PHLDB1: variants seen among roughly 807,000 people sequenced by gnomAD.
PHLDB1 encodes pleckstrin homology-like domain family B member 1.
In PHLDB1, 65 loss-of-function variants were observed where a neutral mutation model predicts 139.3. The ratio of observed to expected loss-of-function variants is 0.47; its 90% confidence interval spans 0.38 to 0.57. The LOEUF is 0.57. PHLDB1 is among the 20% of genes least tolerant of loss of function. The probability of loss-of-function intolerance (pLI) is 0.00; values close to 1 mark genes in which losing one functional copy is unlikely to be tolerated. For missense variants in PHLDB1, 1,624 were observed against 1,839.7 expected (o/e 0.88, Z 2.14); for synonymous variants, 679 against 734.5 (o/e 0.92, Z 1.22).
At chr11:118,613,209 G>A in intron 1 of PHLDB1, 1 of 834,892 alleles carries the variant, frequency 1.2e-6, no homozygotes, top group Non-Finnish European at 1.4e-6. Context: ...GGTTGAGGTT[G>A]CTTTCTGGGG....
chr11:118,627,706 GC>G lies in PHLDB1; in HGVS notation c.886del (p.Leu296TyrfsTer18). 6.2e-7 allele frequency: 1 copy of G among 1,610,294 alleles called. No individual in the cohort carries two copies. On this transcript the variant is annotated frameshift_variant, in exon 6 of 23. Transcript: ENST00000600882. LOFTEE classifies it high-confidence loss of function. ...TGCCCGTTCCTCCAGCTACCATCTG[GC>G]CCTACAGCCCCCACAGTCCCGCCCA... Reference protein sequence around the residue: ...VPARSSSYHLALQPPQSRPSG... With the variant: ...VPARSSSYHLXLQPPQSRPSG...
chr11:118,623,264 T>C (rs1591527144), intron 4 of PHLDB1, among the ~76,000 whole-genome samples: 1 of 151,804 alleles, frequency 6.6e-6, no homozygotes, highest in East Asian at 1.9e-4. Context: ...TGTGGACAAA[T>C]TGGAAGGATT....
At position 118,650,332 on chromosome 11, in the gene PHLDB1, G is replaced by C. The variant is rs1428735076; in HGVS notation, c.3772-113G>C. ...CTCTGTCCCAGGACCTGGTGTGCTG[G>C]CCTGAGGAGATGTTGGGGACAATCC... On this transcript the variant is annotated intron_variant, in intron 19 of 22. Coordinates refer to ENST00000600882, the MANE Select transcript of PHLDB1 (RefSeq NM_001144758.3). The surrounding 1 kb of genome is among the most constrained non-coding windows in gnomAD (Gnocchi z 4.7). 2.0e-6 allele frequency: 2 copies of C among 991,064 alleles called. No homozygotes were observed. The highest frequency in any genetic ancestry group is 3.3e-6 in the Non-Finnish European group (2 of 615,146). 61.4% of individuals were successfully genotyped at this position (991,064 alleles called of 1,614,324 possible).
In PHLDB1 at chr11:118,645,854, A is replaced by G; in HGVS notation, c.3507+29A>G. On this transcript the variant is annotated intron_variant, in intron 17 of 22. Transcript: ENST00000600882. This position sits in a 1 kb window ranked among gnomAD's most constrained non-coding sequence, Gnocchi z 5.1. The stretch of plus-strand genomic sequence containing the variant: ...AGTCTGACCTGGATCGGGGAGGCAG[A>G]AGGTGTTGGGGCACAGAGCTACCTA... 6.9e-7 allele frequency: 1 copy of G among 1,457,762 alleles called. No individual in the cohort carries two copies. Among genetic ancestry groups the G allele is most frequent in the Non-Finnish European group, 9.6e-7 (1 of 1,038,018 alleles). The allele number at this position is 1,457,762 out of a possible 1,614,324, so 90.3% of individuals were successfully genotyped here.
chr11:118,610,424 G>A lies in PHLDB1; in HGVS notation c.-22+2725G>A, dbSNP rs1288390747. 1 of 985,102 alleles carries A rather than the reference G, an allele frequency of 1.0e-6. No individual in the cohort carries two copies. Among genetic ancestry groups the A allele is most frequent in the Non-Finnish European group, 1.2e-6 (1 of 829,608 alleles). The allele number at this position is 985,102 out of a possible 1,614,324, so 61.0% of individuals were successfully genotyped here. ...CTCGAGGGCGGATGTGCGCCTGGAG[G>A]GCGAAGGCGGCGGCCGAGAGGACCC... On this transcript the variant is annotated intron_variant, in intron 1 of 22. Coordinates refer to ENST00000600882, the MANE Select transcript of PHLDB1 (RefSeq NM_001144758.3). The surrounding 1 kb of genome is among the most constrained non-coding windows in gnomAD (Gnocchi z 8.7).
chr11:118,656,100 CA>C (rs1555141690), intron 22 of PHLDB1, among the ~76,000 whole-genome samples: 1 of 151,236 alleles, frequency 6.6e-6, no homozygotes, highest in African/African-American at 2.4e-5. Flanking sequence ...CAGCAGACCC[CA>C]TGGGGGTCTG....
In PHLDB1 at chr11:118,650,576, C is replaced by T; in HGVS notation, c.3874+29C>T. 1 of 1,471,426 alleles carries T rather than the reference C, an allele frequency of 6.8e-7. No homozygotes were observed. Among genetic ancestry groups the T allele is most frequent in the Non-Finnish European group, 9.5e-7 (1 of 1,049,962 alleles). The allele number at this position is 1,471,426 out of a possible 1,614,324, so 91.1% of individuals were successfully genotyped here. A position where few individuals can be genotyped will look rare whatever the true frequency, so the allele number is the denominator to read the frequency against. ...AGTTCCCACAAGGCCACCCTGGGGGCCAGCCAGGATCCCTGGGCTCTGTTA... is the reference window on the plus strand; with the variant it reads ...AGTTCCCACAAGGCCACCCTGGGGGTCAGCCAGGATCCCTGGGCTCTGTTA... On this transcript the variant is annotated intron_variant, in intron 20 of 22. Transcript: ENST00000600882. The surrounding 1 kb of genome is among the most constrained non-coding windows in gnomAD (Gnocchi z 4.7).
chr11:118,615,907 G>T, intron 3 of PHLDB1, 134 bp from the exon 4 acceptor site: 1 of 695,160 alleles, frequency 1.4e-6, no homozygotes. Flanking sequence ...GGCCTAGTAG[G>T]GGTGGCCAGT....
At chr11:118,638,515 G>C (rs1555117224) in intron 10 of PHLDB1, among the ~76,000 whole-genome samples, 1 of 152,196 alleles carries the variant, frequency 6.6e-6, no homozygotes, top group African/African-American at 2.4e-5. Flanking sequence ...GCAAAGGCTG[G>C]TGAGAAGGTC....
At position 118,611,972 on chromosome 11, in the gene PHLDB1, C is replaced by A. The variant is rs1396895908; in HGVS notation, c.-21-1844C>A. Among the ~76,000 whole-genome samples, 1 of 151,986 alleles carries A rather than the reference C, an allele frequency of 6.6e-6. No individual in the cohort carries two copies. Among genetic ancestry groups the A allele is most frequent in the Non-Finnish European group, 1.5e-5 (1 of 68,014 alleles). On this transcript the variant is annotated intron_variant, in intron 1 of 22. Transcript: ENST00000600882. The surrounding 1 kb of genome is among the most constrained non-coding windows in gnomAD (Gnocchi z 4.7). ...TATAATTTATATACTATAACATCCA[C>A]CCAATTTAAGTATGCAATTAAAAGA...
intron 10 of PHLDB1, among the ~76,000 whole-genome samples, chr11:118,636,349 G>A (rs1207639356): frequency 1.3e-5 from 2 of 152,182 alleles, no homozygotes; most frequent in Admixed American, 1.3e-4. Flanking sequence ...AATTGGTGAC[G>A]TAGGGGATTT....
chr11:118,644,231 C>T (rs781807979), intron 15 of PHLDB1, 57 bp downstream of exon 15: 14 of 1,176,862 alleles, frequency 1.2e-5, no homozygotes, highest in Non-Finnish European at 1.6e-5. Context: ...GGGTAGTTGC[C>T]ATGCCTCCTC....
chr11:118,625,179 C>T, intron 5 of PHLDB1, 120 bp downstream of exon 5: 2 of 1,176,258 alleles, frequency 1.7e-6, no homozygotes, highest in Non-Finnish European at 2.3e-6. Flanking sequence ...TCTGGGCTCA[C>T]TGCCACCTGC....
At chr11:118,642,177 C>T (rs782499702) in intron 12 of PHLDB1, 77 bp from the exon 13 acceptor site, 4 of 1,363,696 alleles carry the variant, frequency 2.9e-6, no homozygotes, top group East Asian at 2.3e-5. Context: ...CTGCCTTTTC[C>T]TTTCCCTTTA....
rs782416788 is a variant in PHLDB1, at chr11:118,645,488, C to T, written c.3254C>T (p.Pro1085Leu). 18 of 1,611,968 alleles carry T rather than the reference C, an allele frequency of 1.1e-5. No individual in the cohort carries two copies. The Admixed American group carries it at 1.7e-4, about 15-fold the overall frequency. ...CCAGCGGGCCCCTCGGGCTTCCCCC[C>T]TCTCATGCACCACTCTATCCTACAC... ...PFPAGPSGFP[P>L]LMHHSILHHL... The change falls in exon 16 of 23, where the codon CCT becomes CTT. Residue 1085 changes from proline to leucine, a missense_variant. By Grantham distance (98) the Pro-to-Leu change is moderately conservative. Coordinates refer to ENST00000600882, the MANE Select transcript of PHLDB1 (RefSeq NM_001144758.3). The surrounding 1 kb of genome is among the most constrained non-coding windows in gnomAD (Gnocchi z 5.1).
chr11:118,627,462 CAAG>C lies in PHLDB1; in HGVS notation c.643_645del (p.Lys215del), dbSNP rs1944076842. On this transcript the variant is annotated inframe_deletion, in exon 6 of 23. Transcript: ENST00000600882. Reference sequence around the variant, plus strand: ...TGCTAGAGGAGCCTGGAGCTGCTGGCAAGAAGCCTGCCGCAACCTCTCCACTGT... The same window carrying C: ...TGCTAGAGGAGCCTGGAGCTGCTGGCAAGCCTGCCGCAACCTCTCCACTGT... The C allele has an allele frequency of 2.5e-6, 4 of 1,614,068 alleles. No individual in the cohort carries two copies. In the South Asian group the frequency reaches 4.4e-5, roughly 18 times the overall value.
rs116066979 is a variant in PHLDB1 at position 118,631,399 on chromosome 11, C to T, written c.2020C>T (p.Arg674Cys). ...SSEEPGVATQ[R>C]LWESMERSDE... ...CGAGGAGCCTGGCGTTGCCACCCAA[C>T]GCCTATGGGAGAGTATGGAGCGCTC... Residue 674 changes from arginine to cysteine, a missense_variant, in exon 7 of 23, where the codon CGC becomes TGC. Coordinates refer to ENST00000600882, the MANE Select transcript of PHLDB1 (RefSeq NM_001144758.3). 9.3e-5 allele frequency: 140 copies of T among 1,497,326 alleles called. No homozygotes were observed. Among genetic ancestry groups the T allele is most frequent in the African/African-American group, 2.3e-4 (16 of 69,542 alleles). The allele number at this position is 1,497,326 out of a possible 1,614,324, so 92.8% of individuals were successfully genotyped here. A position where few individuals can be genotyped will look rare whatever the true frequency, so the allele number is the denominator to read the frequency against.
intron 6 of PHLDB1, among the ~76,000 whole-genome samples, chr11:118,628,966 C>T (rs150404514): frequency 5.3e-4 from 81 of 152,346 alleles, no homozygotes; most frequent in African/African-American, 1.9e-3. Flanking sequence ...AAACATACCA[C>T]AGGTATGGTA....
At position 118,624,969 on chromosome 11, in the gene PHLDB1, C is replaced by T. The variant is rs782735796; in HGVS notation, c.391C>T (p.Arg131Cys). 14 of 1,613,966 alleles carry T rather than the reference C, an allele frequency of 8.7e-6. No individual in the cohort carries two copies. The highest frequency in any genetic ancestry group is 1.6e-4 in the Middle Eastern group (1 of 6,082). Reference protein sequence around the residue: ...MLCLGQSTFLRFNHPAEAKWM... With the variant: ...MLCLGQSTFLCFNHPAEAKWM... Reference sequence around the variant, plus strand: ...GTGCCTGGGTCAGTCCACCTTCCTTCGCTTTAACCACCCGGCTGAAGCCAA... The same window carrying T: ...GTGCCTGGGTCAGTCCACCTTCCTTTGCTTTAACCACCCGGCTGAAGCCAA... Residue 131 changes from arginine (R) to cysteine (C), a missense_variant, in exon 5 of 23, where the codon CGC (arginine) becomes TGC (cysteine). Arg to Cys is a radical substitution (Grantham distance 180). Transcript: ENST00000600882.
Sources: allele counts gnomAD v4.1 joint callset (sites outside exome capture counted in the v4.1 genomes callset), GRCh38; gene constraint gnomAD v4.1.1; non-coding constraint Gnocchi (gnomAD v3.1); transcripts MANE v1.5; gene names NCBI Gene and HGNC (gene_info 2026-07-23, HGNC 2026-07-21).